The following GRID2 variants were observed in gnomAD, a reference collection of about 807,000 sequenced individuals.
GRID2 encodes the protein glutamate receptor ionotropic, delta-2.
A neutral mutation model predicts 114.8 loss-of-function variants in GRID2; 33 were observed. The ratio of observed to expected loss-of-function variants is 0.29; its 90% confidence interval spans 0.22 to 0.38. The LOEUF (loss-of-function observed/expected upper bound fraction) is 0.38. GRID2 is among the 10% of genes least tolerant of loss of function. The pLI is 1.00. For synonymous variants in GRID2, 505 were observed against 449.9 expected, an observed-to-expected ratio of 1.12 and a Z score of -1.55; for missense variants, 1,184 against 1,257.7, an observed-to-expected ratio of 0.94 and a Z score of 0.89.
rs1726914527 is a variant in GRID2 at position 93,490,745 on chromosome 4, C to T, written c.1965C>T (p.Phe655=). ...ISSYTANLAA[F]LTITRIESSI... ...CTTACACGGCAAACCTCGCTGCTTT[C>T]CTCACTATTACACGCATTGAAAGTT... The change falls in exon 12 of 16, where the codon TTC becomes TTT. Residue 655 remains phenylalanine, a synonymous_variant. Coordinates refer to ENST00000282020, the MANE Select transcript of GRID2 (RefSeq NM_001510.4). 6.2e-7 allele frequency: 1 copy of T among 1,610,456 alleles called. No homozygotes were observed. The highest frequency in any genetic ancestry group is 1.3e-5 in the African/African-American group (1 of 74,674).
At chr4:92,414,054 A>C (rs1014227167) in intron 1 of GRID2, among the ~76,000 whole-genome samples, 1 of 152,204 alleles carries the variant, frequency 6.6e-6, no homozygotes, top group Admixed American at 6.5e-5. Context: ...GGTAAGTAGA[A>C]GTTGCAGCTT....
At chr4:92,355,022 A>G (rs1728248013) in intron 1 of GRID2, among the ~76,000 whole-genome samples, 1 of 151,950 alleles carries the variant, frequency 6.6e-6, no homozygotes, top group Non-Finnish European at 1.5e-5. Context: ...TTGTCACTCA[A>G]TAATCAATTC....
At chr4:92,874,629 T>C (rs753941798) in intron 2 of GRID2, among the ~76,000 whole-genome samples, 1 of 152,212 alleles carries the variant, frequency 6.6e-6, no homozygotes, top group Non-Finnish European at 1.5e-5. Flanking sequence ...CATTTGTATG[T>C]ATGAGTAAAG....
chr4:93,263,140 A>C (rs1174011248), intron 8 of GRID2, among the ~76,000 whole-genome samples: 2 of 151,960 alleles, frequency 1.3e-5, no homozygotes, highest in Non-Finnish European at 2.9e-5. Flanking sequence ...AAAGCCTAGT[A>C]TTTTTAATCA....
chr4:92,486,252 G>A (rs1362585462), intron 1 of GRID2, among the ~76,000 whole-genome samples: 1 of 151,376 alleles, frequency 6.6e-6, no homozygotes, highest in African/African-American at 2.4e-5. Flanking sequence ...CCCATTAGAA[G>A]CACATAGTAA....
At chr4:93,032,901 A>C (rs1724568310) in intron 2 of GRID2, among the ~76,000 whole-genome samples, 1 of 152,202 alleles carries the variant, frequency 6.6e-6, no homozygotes, top group Non-Finnish European at 1.5e-5. Flanking sequence ...GTCACAGTTC[A>C]AAAACTCATT....
At position 93,729,200 on chromosome 4, in the gene GRID2, C is replaced by G. The variant is rs910274144; in HGVS notation, c.2361-40010C>G. Among the ~76,000 whole-genome samples the G allele has an allele frequency of 2.6e-5, 4 of 150,958 alleles. 1 individual carries two copies. Among genetic ancestry groups the G allele is most frequent in the South Asian group, 4.2e-4 (2 of 4,752 alleles). ...TGTGAGCCACCATGCCCGGCCCGTT[C>G]CAGAGTTTTTAATAAGAATATCTGG... On this transcript the variant is annotated intron_variant, in intron 14 of 15. Coordinates refer to ENST00000282020, the MANE Select transcript of GRID2 (RefSeq NM_001510.4).
chr4:93,332,259 T>TGTGTGC (rs1553911470), intron 8 of GRID2, among the ~76,000 whole-genome samples: 6 of 117,572 alleles, frequency 5.1e-5, no homozygotes, highest in Non-Finnish European at 4.9e-5. Context: ...AGAGTGTGTG[T>TGTGTGC]GTGTGTGCGT....
intron 1 of GRID2, among the ~76,000 whole-genome samples, chr4:92,479,012 T>C (rs1171589659): frequency 1.3e-5 from 2 of 152,150 alleles, no homozygotes; most frequent in Non-Finnish European, 2.9e-5. Context: ...GCTGCATTTC[T>C]GAGGATCATC....
At chr4:93,044,047 G>T (rs2149272550) in intron 2 of GRID2, among the ~76,000 whole-genome samples, 1 of 152,128 alleles carries the variant, frequency 6.6e-6, no homozygotes, top group East Asian at 1.9e-4. Context: ...TATAGTAGAA[G>T]ACTACTGTCT....
intron 8 of GRID2, among the ~76,000 whole-genome samples, chr4:93,244,901 A>G (rs938800805): frequency 6.6e-6 from 1 of 151,714 alleles, no homozygotes. Flanking sequence ...TTGCAAACTG[A>G]TATTATATCA....
At chr4:93,716,857 T>G (rs1329004136) in intron 14 of GRID2, among the ~76,000 whole-genome samples, 1 of 152,102 alleles carries the variant, frequency 6.6e-6, no homozygotes, top group Non-Finnish European at 1.5e-5. Flanking sequence ...ACTTTATAAA[T>G]GTATTCAAAG....
At chr4:92,970,673 T>A (rs1231814434) in intron 2 of GRID2, among the ~76,000 whole-genome samples, 1 of 151,912 alleles carries the variant, frequency 6.6e-6, no homozygotes, top group Non-Finnish European at 1.5e-5. Context: ...AGAAACTGTG[T>A]TTTAGAAATA....
chr4:92,888,239 A>G (rs1218383232), intron 2 of GRID2, among the ~76,000 whole-genome samples: 1 of 152,166 alleles, frequency 6.6e-6, no homozygotes, highest in East Asian at 1.9e-4. Context: ...ACTCCAGAAC[A>G]CATAATAAAT....
intron 7 of GRID2, among the ~76,000 whole-genome samples, chr4:93,226,208 G>A (rs1745467215): frequency 6.6e-6 from 1 of 152,066 alleles, no homozygotes; most frequent in Admixed American, 6.6e-5. Flanking sequence ...GTTTTAACTT[G>A]TTTCAGCATT....
At chr4:92,375,035 A>G (rs774062684) in intron 1 of GRID2, among the ~76,000 whole-genome samples, 24 of 152,248 alleles carry the variant, frequency 1.6e-4, no homozygotes, top group Admixed American at 6.5e-5. Context: ...CTTTGACCCT[A>G]AAATAGGCAG....
intron 14 of GRID2, among the ~76,000 whole-genome samples, chr4:93,638,264 A>G (rs1322494269): frequency 1.4e-5 from 2 of 147,930 alleles, no homozygotes; most frequent in Non-Finnish European, 3.0e-5. Context: ...TTTATTTTGT[A>G]TGTTGCTGCC....
chr4:93,334,901 A>G (rs958092401), intron 8 of GRID2, among the ~76,000 whole-genome samples: 1 of 152,142 alleles, frequency 6.6e-6, no homozygotes, highest in Non-Finnish European at 1.5e-5. Flanking sequence ...ATTGCATTCC[A>G]GCCTGGGCAA....
chr4:93,464,901 GTTTATATCCGTTGTT>G (rs1230229187), intron 11 of GRID2, among the ~76,000 whole-genome samples: 1 of 152,178 alleles, frequency 6.6e-6, no homozygotes, highest in East Asian at 1.9e-4. Context: ...AGCAGTTAGT[GTTTATATCCGTTGTT>G]TAAGCTCTAC....
Sources: gnomAD v4.1 joint callset for allele counts (sites outside exome capture counted in the v4.1 genomes callset) on GRCh38, gnomAD v4.1.1 for gene constraint, MANE v1.5 for transcripts, NCBI Gene and HGNC (gene_info 2026-07-23, HGNC 2026-07-21) for gene names.